The following GCKR variants were observed in gnomAD, a reference collection of about 807,000 sequenced individuals.
GCKR encodes glucokinase regulator.
In GCKR, 73 loss-of-function variants were observed where a neutral mutation model predicts 82.9. The observed-to-expected ratio is 0.88, with a 90% CI of 0.73 to 1.07. The LOEUF (loss-of-function observed/expected upper bound fraction) is 1.07. Among genes scored for constraint, GCKR ranks in the 50% least tolerant of loss-of-function variants. The probability of loss-of-function intolerance (pLI) is 0.00; values close to 1 mark genes in which losing one functional copy is unlikely to be tolerated. For missense variants in GCKR, 784 were observed against 782.1 expected (o/e 1.00, Z -0.03); for synonymous variants, 294 against 291.8 (o/e 1.01, Z -0.08).
rs547476053 is a variant in GCKR at position 27,499,086 on chromosome 2, C to T, written c.429-56C>T. ...TCTCTTAATGTAGCCTGCCCTAATA[C>T]GCCATAGGCTTCTGCTTTCCAGCCA... On this transcript the variant is annotated intron_variant, in intron 5 of 18. Transcript: ENST00000264717. 5.8e-5 allele frequency: 59 copies of T among 1,019,170 alleles called. 1 individual carries two copies. Among genetic ancestry groups the T allele is most frequent in the South Asian group, 4.8e-4 (38 of 79,038 alleles). The allele number at this position is 1,019,170 out of a possible 1,614,324, so 63.1% of individuals were successfully genotyped here. A position where few individuals can be genotyped will look rare whatever the true frequency, so the allele number is the denominator to read the frequency against.
rs1670180770 is a variant in GCKR, at chr2:27,522,700, C to G, written c.1707+106C>G. On this transcript the variant is annotated intron_variant, in intron 18 of 18. Transcript: ENST00000264717. The stretch of plus-strand genomic sequence containing the variant: ...TTACAAAGCTCAGTGGCACTCTGCT[C>G]ACAAGGACCTCCACATTCATGGGGT... 30 of 916,140 alleles carry G rather than the reference C, an allele frequency of 3.3e-5. No homozygotes were observed. In the South Asian group the frequency reaches 3.9e-4, roughly 12 times the overall value. 56.8% of individuals were successfully genotyped at this position (916,140 alleles called of 1,614,324 possible). A position where few individuals can be genotyped will look rare whatever the true frequency, so the allele number is the denominator to read the frequency against.
chr2:27,504,584 G>A (rs571549730), intron 9 of GCKR, among the ~76,000 whole-genome samples: 1 of 151,746 alleles, frequency 6.6e-6, no homozygotes, highest in East Asian at 2.0e-4. Context: ...CTGACCTCAG[G>A]TGATCCGCCC....
In GCKR at chr2:27,523,329, C is replaced by T. The variant is rs34792470; in HGVS notation, c.1768C>T (p.His590Tyr). ...FRCSITEAQA[H>Y]LAAAPSVCEA... Reference sequence around the variant, plus strand: ...GTGCTCGATCACTGAGGCTCAGGCACACCTGGCTGCAGCTCCTTCTGTCTG... The same window carrying T: ...GTGCTCGATCACTGAGGCTCAGGCATACCTGGCTGCAGCTCCTTCTGTCTG... The change falls in exon 19 of 19, where the codon CAC becomes TAC. Residue 590 changes from histidine (H) to tyrosine (Y), a missense_variant. Coordinates refer to ENST00000264717, the MANE Select transcript of GCKR (RefSeq NM_001486.4). 2.4e-3 allele frequency: 3,881 copies of T among 1,612,982 alleles called. 6 individuals are homozygous for T. The highest frequency in any genetic ancestry group is 4.2e-3 in the Admixed American group (253 of 60,032).
At position 27,515,765 on chromosome 2, in the gene GCKR, A is replaced by ATT. The variant is rs60183178; in HGVS notation, c.1423-3008_1423-3007dup. ...TGTTCGTATATATATATATATATAT[A>ATT]TTTTTTTTTTTTTTTTGAGACAGAA... On this transcript the variant is annotated intron_variant, in intron 16 of 18. Coordinates refer to ENST00000264717, the MANE Select transcript of GCKR (RefSeq NM_001486.4). 1.5e-3 allele frequency among the ~76,000 whole-genome samples: 158 copies of ATT among 106,900 alleles called. 1 individual carries two copies. The highest frequency in any genetic ancestry group is 2.3e-3 in the African/African-American group (60 of 26,310). The allele number at this position is 106,900 out of a possible 152,430, so 70.1% of individuals were successfully genotyped here. A position where few individuals can be genotyped will look rare whatever the true frequency, so the allele number is the denominator to read the frequency against.
chr2:27,502,653 T>C (rs1669613716), intron 8 of GCKR, among the ~76,000 whole-genome samples: 1 of 152,178 alleles, frequency 6.6e-6, no homozygotes, highest in Non-Finnish European at 1.5e-5. Flanking sequence ...TGAGGAAGAA[T>C]GACAGGAGAC....
At chr2:27,515,761 ATATATTT>A (rs1669988050) in intron 16 of GCKR, among the ~76,000 whole-genome samples, 3 of 126,782 alleles carry the variant, frequency 2.4e-5, no homozygotes, top group African/African-American at 9.5e-5. Context: ...ATATATATAT[ATATATTT>A]TTTTTTTTTT....
At chr2:27,522,897 GTTT>G (rs34507360) in intron 18 of GCKR, among the ~76,000 whole-genome samples, 6 of 134,954 alleles carry the variant, frequency 4.4e-5, no homozygotes, top group Non-Finnish European at 4.8e-5. Flanking sequence ...CCAGGGTTCT[GTTT>G]TTTTTTTTTT....
chr2:27,499,589 T>C (rs1669523784), intron 7 of GCKR, 139 bp downstream of exon 7: 1 of 762,974 alleles, frequency 1.3e-6, no homozygotes, highest in Middle Eastern at 2.3e-4. Context: ...TTAGTTTCAC[T>C]AACTTGGATC....
chr2:27,513,435 C>T (rs935998078), intron 16 of GCKR, among the ~76,000 whole-genome samples: 1 of 150,320 alleles, frequency 6.7e-6, no homozygotes, highest in Non-Finnish European at 1.5e-5. Flanking sequence ...GAGGCTGAGT[C>T]GGAGAATTGT....
chr2:27,496,990 T>C (rs776197996), intron 1 of GCKR, 26 bp downstream of exon 1: 6 of 1,571,516 alleles, frequency 3.8e-6, no homozygotes, highest in East Asian at 2.2e-5. Flanking sequence ...CATGTTGGCT[T>C]TCTGTGCTGA....
At chr2:27,513,766 G>A (rs1669941462) in intron 16 of GCKR, among the ~76,000 whole-genome samples, 1 of 152,012 alleles carries the variant, frequency 6.6e-6, no homozygotes, top group African/African-American at 2.4e-5. Context: ...TCTTTGTTGT[G>A]TTTCTTTTTG....
At chr2:27,502,841 G>A (rs986927756) in intron 8 of GCKR, among the ~76,000 whole-genome samples, 2 of 152,208 alleles carry the variant, frequency 1.3e-5, no homozygotes, top group African/African-American at 2.4e-5. Flanking sequence ...GCCACAGTGG[G>A]CGATTCACAA....
At chr2:27,516,996 A>T (rs1304615626) in intron 16 of GCKR, among the ~76,000 whole-genome samples, 1 of 148,608 alleles carries the variant, frequency 6.7e-6, no homozygotes, top group Non-Finnish European at 1.5e-5. Flanking sequence ...CCTGGCTAGG[A>T]CCACGTGTAT....
intron 16 of GCKR, among the ~76,000 whole-genome samples, chr2:27,518,270 T>G (rs1670056485): frequency 6.6e-6 from 1 of 152,224 alleles, no homozygotes; most frequent in African/African-American, 2.4e-5. Context: ...TGTTGAGAAC[T>G]CCTGACCTCA....
chr2:27,508,158 C>T lies in GCKR; in HGVS notation c.1339-10C>T. On this transcript the variant is annotated splice_polypyrimidine_tract_variant and intron_variant, in intron 15 of 18. Coordinates refer to ENST00000264717, the MANE Select transcript of GCKR (RefSeq NM_001486.4). ...AGATGCCTCTCCTGCTCCTCTTTCT[C>T]TCTCTCCAGATCCCTCTGAAGAAGC... 6.2e-7 allele frequency: 1 copy of T among 1,605,272 alleles called. No homozygotes were observed. The highest frequency in any genetic ancestry group is 8.5e-7 in the Non-Finnish European group (1 of 1,172,128).
intron 8 of GCKR, among the ~76,000 whole-genome samples, chr2:27,503,050 T>C (rs1236285619): frequency 6.6e-6 from 1 of 152,252 alleles, no homozygotes; most frequent in Non-Finnish European, 1.5e-5. Flanking sequence ...CTCACTGTTA[T>C]CCCTCCCTCT....
At position 27,506,545 on chromosome 2, in the gene GCKR, A is replaced by G. The variant is rs556770399; in HGVS notation, c.934A>G (p.Lys312Glu). 6.5e-5 allele frequency: 105 copies of G among 1,613,582 alleles called. 2 individuals carry two copies. In the South Asian group the frequency reaches 1.1e-3, roughly 17 times the overall value. ...TCAGGTGACCTACAGCCAAAGCCCC[A>G]AGATTGCCACCCTGATGAAGAGTGT... ...AHQVTYSQSP[K>E]IATLMKSVST... Residue 312 changes from lysine (K) to glutamate (E), a missense_variant, in exon 11 of 19, where the codon AAG becomes GAG. Coordinates refer to ENST00000264717, the MANE Select transcript of GCKR (RefSeq NM_001486.4).
At chr2:27,521,037 A>G (rs1427524879) in intron 17 of GCKR, among the ~76,000 whole-genome samples, 1 of 151,842 alleles carries the variant, frequency 6.6e-6, no homozygotes, top group Non-Finnish European at 1.5e-5. Context: ...GAGTGAGACT[A>G]TCTCTCAAAA....
chr2:27,508,278 G>A (rs1273038776), intron 16 of GCKR, 27 bp downstream of exon 16: 1 of 1,349,798 alleles, frequency 7.4e-7, no homozygotes. Context: ...GGTCCTATCT[G>A]CAGTAAGGGG....
Sources: gnomAD v4.1 joint callset for allele counts (sites outside exome capture counted in the v4.1 genomes callset) on GRCh38, gnomAD v4.1.1 for gene constraint, MANE v1.5 for transcripts, NCBI Gene and HGNC (gene_info 2026-07-23, HGNC 2026-07-21) for gene names.